MAF: variants seen among roughly 807,000 people sequenced by gnomAD.
MAF encodes the protein transcription factor Maf.
In MAF, 10 loss-of-function variants were observed where a neutral mutation model predicts 22.0. The observed-to-expected ratio is 0.45, with a 90% CI of 0.28 to 0.77. The LOEUF (loss-of-function observed/expected upper bound fraction) is 0.77, where lower values mean the gene tolerates loss of function less well. Among genes scored for constraint, MAF ranks in the 30% least tolerant of loss-of-function variants. The pLI is 0.12. For synonymous variants in MAF, 337 were observed against 255.8 expected (o/e 1.32, Z -3.03); for missense variants, 544 against 548.4 (o/e 0.99, Z 0.08).
At chr16:79,485,417 A>G in the MAF span, among the ~76,000 whole-genome samples, 57 of 152,190 alleles carry the variant, frequency 3.7e-4, no homozygotes, top group African/African-American at 1.3e-3. Flanking sequence ...GTATTTATTT[A>G]TTTATTTTTT....
the MAF span, among the ~76,000 whole-genome samples, chr16:79,292,904 T>A: frequency 2.0e-5 from 3 of 152,154 alleles, no homozygotes; most frequent in Non-Finnish European, 4.4e-5. Context: ...CCAAATGCCA[T>A]GGCAACATAA....
the MAF span, among the ~76,000 whole-genome samples, chr16:79,396,814 A>G: frequency 6.6e-6 from 1 of 152,204 alleles, no homozygotes; most frequent in Admixed American, 6.5e-5. Context: ...TAAAGCTCCT[A>G]GGGTGATGTG....
chr16:79,565,232 C>T, the MAF span, among the ~76,000 whole-genome samples: 1 of 152,132 alleles, frequency 6.6e-6, no homozygotes, highest in African/African-American at 2.4e-5. Flanking sequence ...GGCCCAATTA[C>T]CTGTTTTTGT....
At chr16:79,575,789 C>G in the MAF span, among the ~76,000 whole-genome samples, 3 of 152,162 alleles carry the variant, frequency 2.0e-5, no homozygotes, top group African/African-American at 4.8e-5. Flanking sequence ...AACAAAGGAA[C>G]AGAAACCTGA....
the MAF span, among the ~76,000 whole-genome samples, chr16:79,286,149 G>C: frequency 1.3e-5 from 2 of 152,158 alleles, no homozygotes; most frequent in African/African-American, 4.8e-5. Context: ...ATAAGCAGTA[G>C]CTAGCTGGTT....
At chr16:79,540,671 C>T in the MAF span, among the ~76,000 whole-genome samples, 1 of 152,162 alleles carries the variant, frequency 6.6e-6, no homozygotes, top group South Asian at 2.1e-4. Context: ...GGCAGATGAC[C>T]TTGTGAAGGT....
chr16:79,361,922 G>T, the MAF span, among the ~76,000 whole-genome samples: 1 of 152,184 alleles, frequency 6.6e-6, no homozygotes, highest in Admixed American at 6.5e-5. Flanking sequence ...GCACTGGGTG[G>T]CAAGCATTTG....
chr16:79,536,145 T>A, the MAF span, among the ~76,000 whole-genome samples: 1 of 152,242 alleles, frequency 6.6e-6, no homozygotes, highest in Non-Finnish European at 1.5e-5. Flanking sequence ...GATATAGATA[T>A]AAGGCGGTAC....
At chr16:79,412,741 G>GA in the MAF span, among the ~76,000 whole-genome samples, 1 of 152,184 alleles carries the variant, frequency 6.6e-6, no homozygotes, top group East Asian at 1.9e-4. Flanking sequence ...TAACATGTAT[G>GA]AAAGGGCCTA....
At chr16:79,508,700 G>T in the MAF span, among the ~76,000 whole-genome samples, 2 of 152,146 alleles carry the variant, frequency 1.3e-5, no homozygotes, top group Non-Finnish European at 2.9e-5. Flanking sequence ...GGAAAATCTT[G>T]CACAAAAACC....
the MAF span, among the ~76,000 whole-genome samples, chr16:79,380,270 A>C: frequency 6.6e-6 from 1 of 152,178 alleles, no homozygotes; most frequent in Non-Finnish European, 1.5e-5. Flanking sequence ...TTGACTGTGA[A>C]TCCTCAGTTT....
At chr16:79,585,641 T>A (rs1231592275), downstream of MAF, among the ~76,000 whole-genome samples, 2 of 151,980 alleles carry the variant, frequency 1.3e-5, no homozygotes, top group Non-Finnish European at 2.9e-5. Context: ...ACAGAAAAAA[T>A]AAATGCATGC....
the MAF span, among the ~76,000 whole-genome samples, chr16:79,569,260 AC>A: frequency 6.6e-6 from 1 of 152,162 alleles, no homozygotes; most frequent in Non-Finnish European, 1.5e-5. Context: ...TCTCAACCTC[AC>A]TGGAGGCCAG....
chr16:79,471,519 C>T, the MAF span, among the ~76,000 whole-genome samples: 1 of 152,080 alleles, frequency 6.6e-6, no homozygotes, highest in Non-Finnish European at 1.5e-5. Context: ...AGAAAAAAAC[C>T]CACAAAAATT....
the MAF span, among the ~76,000 whole-genome samples, chr16:79,370,014 C>A: frequency 6.6e-6 from 1 of 152,166 alleles, no homozygotes; most frequent in Non-Finnish European, 1.5e-5. Flanking sequence ...GTGACTCAAC[C>A]GGGAGCCTGA....
the MAF span, among the ~76,000 whole-genome samples, chr16:79,265,490 C>A: frequency 7.2e-6 from 1 of 139,006 alleles, no homozygotes; most frequent in East Asian, 2.0e-4. Context: ...ACGATATGTT[C>A]CAAGACCTCC....
the MAF span, among the ~76,000 whole-genome samples, chr16:79,536,309 C>T: frequency 6.6e-6 from 1 of 152,190 alleles, no homozygotes; most frequent in Admixed American, 6.6e-5. Flanking sequence ...TTTGTGGGCT[C>T]CCCACCCATG....
chr16:79,259,612 T>C, the MAF span, among the ~76,000 whole-genome samples: 7 of 152,236 alleles, frequency 4.6e-5, no homozygotes, highest in African/African-American at 1.7e-4. Context: ...GATGGAAGAA[T>C]GAGGTCTTCA....
chr16:79,303,109 G>A, the MAF span, among the ~76,000 whole-genome samples: 1 of 152,224 alleles, frequency 6.6e-6, no homozygotes, highest in African/African-American at 2.4e-5. Context: ...GTGAATGTGT[G>A]TGTGTTGGGA....
Sources: allele counts gnomAD v4.1 joint callset (sites outside exome capture counted in the v4.1 genomes callset), GRCh38; gene constraint gnomAD v4.1.1; transcripts MANE v1.5; gene names NCBI Gene and HGNC (gene_info 2026-07-23, HGNC 2026-07-21).